The following ATE1 variants were observed in gnomAD, a reference collection of about 807,000 sequenced individuals.
The protein encoded by ATE1 is arginyl-tRNA--protein transferase 1.
Under a neutral mutation model 70.5 loss-of-function variants are expected in ATE1, and 36 were observed. The observed-to-expected ratio is 0.51, with a 90% confidence interval of 0.39 to 0.67. ATE1 has a LOEUF of 0.67. Ranked by LOEUF, ATE1 falls within the 30% of genes least tolerant of loss-of-function variation. The probability of loss-of-function intolerance (pLI) is 0.00; values close to 1 mark genes in which losing one functional copy is unlikely to be tolerated. For synonymous variants in ATE1, 232 were observed against 219.3 expected (o/e 1.06, Z -0.51); for missense variants, 593 against 629.5 (o/e 0.94, Z 0.62).
intron 7 of ATE1, 24 bp downstream of exon 7, chr10:121,899,842 G>A: frequency 6.2e-7 from 1 of 1,604,982 alleles, no homozygotes; most frequent in Non-Finnish European, 8.5e-7. Context: ...GTTTGCACAG[G>A]AAAATTACAC....
intron 7 of ATE1, among the ~76,000 whole-genome samples, chr10:121,873,381 T>C (rs917513897): frequency 2.0e-5 from 3 of 152,166 alleles, no homozygotes; most frequent in African/African-American, 7.2e-5. Context: ...CCACAGCTTC[T>C]TACTGACCTT....
intron 8 of ATE1, among the ~76,000 whole-genome samples, chr10:121,862,884 A>G (rs1189271788): frequency 6.6e-6 from 1 of 152,118 alleles, no homozygotes; most frequent in Non-Finnish European, 1.5e-5. Context: ...CCCGGAAGTT[A>G]CTGCCCCCTT....
chr10:121,803,961 G>C (rs1156844679), intron 10 of ATE1, among the ~76,000 whole-genome samples: 3 of 152,274 alleles, frequency 2.0e-5, no homozygotes, highest in African/African-American at 7.2e-5. Flanking sequence ...GCAGCAGTAG[G>C]GGTTCTGGTA....
intron 8 of ATE1, among the ~76,000 whole-genome samples, chr10:121,853,609 C>T (rs1949138497): frequency 6.6e-6 from 1 of 151,944 alleles, no homozygotes; most frequent in Non-Finnish European, 1.5e-5. Flanking sequence ...TCAGATATGG[C>T]ATACTTAATG....
intron 11 of ATE1, among the ~76,000 whole-genome samples, chr10:121,776,483 T>C (rs565512237): frequency 3.3e-5 from 5 of 152,222 alleles, no homozygotes; most frequent in Admixed American, 6.5e-5. Context: ...CAGCAATCAC[T>C]GCTACCACTG....
At chr10:121,876,661 T>C (rs1590599978) in intron 7 of ATE1, among the ~76,000 whole-genome samples, 1 of 152,150 alleles carries the variant, frequency 6.6e-6, no homozygotes, top group South Asian at 2.1e-4. Context: ...TCAAAAAGAA[T>C]GGAATCTTAA....
chr10:121,811,192 G>A (rs2133470278), intron 10 of ATE1, among the ~76,000 whole-genome samples: 1 of 152,260 alleles, frequency 6.6e-6, no homozygotes, highest in Non-Finnish European at 1.5e-5. Context: ...GTATTCTGGA[G>A]TAAAGGACCA....
At chr10:121,876,492 A>C (rs921060259) in intron 7 of ATE1, among the ~76,000 whole-genome samples, 3 of 152,212 alleles carry the variant, frequency 2.0e-5, no homozygotes, top group African/African-American at 7.2e-5. Flanking sequence ...TGGTGGCTCT[A>C]TACTTAACAC....
chr10:121,914,088 A>G (rs557349539), intron 3 of ATE1, among the ~76,000 whole-genome samples, 195 bp from the exon 4 acceptor site: 1 of 151,822 alleles, frequency 6.6e-6, no homozygotes, highest in South Asian at 2.1e-4. Context: ...TTCTTTTGAG[A>G]TAGAGTCTCA....
At chr10:121,755,947 A>C (rs1272243352) in intron 11 of ATE1, among the ~76,000 whole-genome samples, 2 of 152,160 alleles carry the variant, frequency 1.3e-5, no homozygotes, top group African/African-American at 4.8e-5. Flanking sequence ...CCTTCCCAAC[A>C]GTCCCCCAAC....
At chr10:121,914,963 A>G (rs995136091) in intron 3 of ATE1, among the ~76,000 whole-genome samples, 5 of 152,196 alleles carry the variant, frequency 3.3e-5, no homozygotes, top group Admixed American at 2.0e-4. Context: ...ACCCACAGTA[A>G]ACAAGGCCGA....
intron 8 of ATE1, among the ~76,000 whole-genome samples, chr10:121,868,124 T>C (rs1309087574): frequency 6.6e-6 from 1 of 152,138 alleles, no homozygotes; most frequent in Non-Finnish European, 1.5e-5. Flanking sequence ...AAAAATAAGA[T>C]ATCTTGATAG....
At chr10:121,784,665 C>A (rs879367182) in intron 11 of ATE1, among the ~76,000 whole-genome samples, 2 of 152,108 alleles carry the variant, frequency 1.3e-5, no homozygotes, top group African/African-American at 4.8e-5. Context: ...CGAGAACCAG[C>A]CTGGCCAACA....
chr10:121,775,180 A>G (rs1219953843), intron 11 of ATE1, among the ~76,000 whole-genome samples: 1 of 152,218 alleles, frequency 6.6e-6, no homozygotes, highest in Non-Finnish European at 1.5e-5. Flanking sequence ...TCAGTTAACT[A>G]TCTAGTTGAG....
chr10:121,772,442 T>C (rs1459288520), intron 11 of ATE1, among the ~76,000 whole-genome samples: 2 of 152,218 alleles, frequency 1.3e-5, no homozygotes, highest in Non-Finnish European at 2.9e-5. Context: ...AAGAATGGTA[T>C]TATGTGAAAT....
intron 10 of ATE1, among the ~76,000 whole-genome samples, chr10:121,834,027 T>C (rs1454678740): frequency 6.6e-6 from 1 of 152,154 alleles, no homozygotes; most frequent in Non-Finnish European, 1.5e-5. Context: ...GGTCATAAAC[T>C]CCAGTCAAAA....
chr10:121,857,105 T>G (rs1949277406), intron 8 of ATE1, among the ~76,000 whole-genome samples: 1 of 152,204 alleles, frequency 6.6e-6, no homozygotes, highest in African/African-American at 2.4e-5. Flanking sequence ...TCACTTTGGG[T>G]TTTTTAAAAA....
intron 10 of ATE1, among the ~76,000 whole-genome samples, chr10:121,805,826 A>G (rs1947074325): frequency 6.6e-6 from 1 of 152,360 alleles, no homozygotes; most frequent in African/African-American, 2.4e-5. Flanking sequence ...CTCCAAGTCT[A>G]GCCCCGCAGA....
rs11812397 is a variant in ATE1, at chr10:121,888,208, C to T, written c.942+11658G>A. On this transcript the variant is annotated intron_variant, in intron 7 of 11. Transcript: ENST00000224652. Reference sequence around the variant, plus strand: ...AGGAGATCGAGACCATCCTGGCTAACACAGTGAAACCCTGTCTCTTCTAAA... The same window carrying T: ...AGGAGATCGAGACCATCCTGGCTAATACAGTGAAACCCTGTCTCTTCTAAA... Among the ~76,000 whole-genome samples, 340 of 152,240 alleles carry T rather than the reference C, an allele frequency of 2.2e-3. 2 individuals are homozygous for T. The highest frequency in any genetic ancestry group is 7.9e-3 in the African/African-American group (330 of 41,544).
Sources: allele counts gnomAD v4.1 joint callset (sites outside exome capture counted in the v4.1 genomes callset), GRCh38; gene constraint gnomAD v4.1.1; transcripts MANE v1.5; gene names NCBI Gene and HGNC (gene_info 2026-07-23, HGNC 2026-07-21).